NMNAT1: variants seen among roughly 807,000 people sequenced by gnomAD.
NMNAT1 encodes the protein nicotinamide nucleotide adenylyltransferase 1.
In NMNAT1, 11 loss-of-function variants were observed where a neutral mutation model predicts 16.7. The ratio of observed to expected loss-of-function variants is 0.66; its 90% CI spans 0.41 to 1.09. The LOEUF is 1.09. Ranked by LOEUF, NMNAT1 falls within the 50% of genes least tolerant of loss-of-function variation. The pLI is 0.00. For missense variants in NMNAT1, 280 were observed against 332.3 expected (o/e 0.84, Z 1.22); for synonymous variants, 110 against 119.8 (o/e 0.92, Z 0.53).
chr1:9,968,788 A>C (rs1641621973), intron 1 of NMNAT1, among the ~76,000 whole-genome samples: 1 of 145,154 alleles, frequency 6.9e-6, no homozygotes, highest in Non-Finnish European at 1.5e-5. Flanking sequence ...AAAAAAAAAA[A>C]ATTAGCCAGG....
At chr1:9,990,605 T>C in the NMNAT1 span, among the ~76,000 whole-genome samples, 3 of 152,278 alleles carry the variant, frequency 2.0e-5, no homozygotes, top group African/African-American at 7.2e-5. Flanking sequence ...CCTATTGGCA[T>C]TGCATTCTTG....
chr1:9,944,202 C>T (rs1049576537), intron 1 of NMNAT1, among the ~76,000 whole-genome samples: 27 of 151,936 alleles, frequency 1.8e-4, no homozygotes, highest in Middle Eastern at 3.4e-3. Context: ...TACAGTGAGC[C>T]GAGATCGCGC....
At chr1:9,985,733 G>T (rs1215365015), downstream of NMNAT1, among the ~76,000 whole-genome samples, 1 of 152,152 alleles carries the variant, frequency 6.6e-6, no homozygotes, top group African/African-American at 2.4e-5. Flanking sequence ...CACAGTCTCG[G>T]CTCACTGCAA....
chr1:9,990,051 G>A (rs548235279), downstream of NMNAT1, among the ~76,000 whole-genome samples: 1 of 152,320 alleles, frequency 6.6e-6, no homozygotes, highest in South Asian at 2.1e-4. Flanking sequence ...GCGCCAAAGT[G>A]GCTGGCTAGT....
chr1:9,949,056 C>T (rs74742139), intron 1 of NMNAT1, among the ~76,000 whole-genome samples: 98,143 of 150,894 alleles, frequency 0.65, 36,389 homozygotes, highest in Non-Finnish European at 0.84. Context: ...GATCACCTGA[C>T]GTCAGGTGTT....
the NMNAT1 span, among the ~76,000 whole-genome samples, chr1:9,990,671 CTT>C: frequency 6.9e-4 from 105 of 152,260 alleles, no homozygotes; most frequent in African/African-American, 2.3e-3. Flanking sequence ...CCATGCCAGT[CTT>C]TGCTGAACCA....
At chr1:9,970,491 A>C (rs1036883205) in intron 1 of NMNAT1, among the ~76,000 whole-genome samples, 11 of 152,012 alleles carry the variant, frequency 7.2e-5, no homozygotes, top group Non-Finnish European at 1.2e-4. Flanking sequence ...TCAGGAGATG[A>C]AGACCATCTA....
At chr1:9,973,747 G>A (rs547766751) in intron 2 of NMNAT1, among the ~76,000 whole-genome samples, 83 of 150,362 alleles carry the variant, frequency 5.5e-4, no homozygotes, top group African/African-American at 1.9e-3. Context: ...TGAATAGGCT[G>A]GGCGTGGTGG....
rs1390782834 is a variant in NMNAT1, at chr1:9,976,647, C to T, written c.299+872C>T. Among the ~76,000 whole-genome samples the T allele has an allele frequency of 4.0e-5, 6 of 151,424 alleles. No homozygotes were observed. In the East Asian group the frequency reaches 5.8e-4, roughly 15 times the overall value. ...CTCTTTTTTTTTTTTCTTTTTGAGA[C>T]GGAGTCTCGCTCTGTCACCCAGGCT... On this transcript the variant is annotated intron_variant, in intron 3 of 4. Transcript: ENST00000377205.
At chr1:9,974,134 T>C (rs1198403795) in intron 2 of NMNAT1, among the ~76,000 whole-genome samples, 1 of 151,912 alleles carries the variant, frequency 6.6e-6, no homozygotes, top group African/African-American at 2.4e-5. Flanking sequence ...CACCATAACA[T>C]AGCATAACCA....
intron 1 of NMNAT1, among the ~76,000 whole-genome samples, chr1:9,971,400 G>A (rs1269362789): frequency 1.3e-5 from 2 of 151,902 alleles, no homozygotes; most frequent in Admixed American, 6.6e-5. Context: ...TGCAACCTCC[G>A]CCTCCTGGGT....
At chr1:9,960,764 G>A (rs1018269827) in intron 1 of NMNAT1, 1 of 152,236 alleles carries the variant, frequency 6.6e-6, no homozygotes. Flanking sequence ...GATAGGCCGT[G>A]TGGGCCAAAC....
chr1:9,949,215 C>T (rs1051352906), intron 1 of NMNAT1, among the ~76,000 whole-genome samples: 1 of 150,210 alleles, frequency 6.7e-6, no homozygotes, highest in African/African-American at 2.4e-5. Flanking sequence ...TTCAGCGAGC[C>T]GAAATCACAC....
intron 2 of NMNAT1, among the ~76,000 whole-genome samples, chr1:9,973,551 C>G (rs942705869): frequency 2.4e-4 from 36 of 150,512 alleles, no homozygotes; most frequent in Middle Eastern, 3.4e-3. Context: ...ACTAAAAATA[C>G]AAAAAAATTA....
At chr1:9,976,286 C>CAA (rs554511251) in intron 3 of NMNAT1, among the ~76,000 whole-genome samples, 917 of 58,532 alleles carry the variant, frequency 0.016, 7 homozygotes, top group Non-Finnish European at 0.027. Flanking sequence ...GACTCCATCT[C>CAA]AAAAAAAAAA....
chr1:9,977,227 A>C lies in NMNAT1; in HGVS notation c.299+1452A>C, dbSNP rs141032228. ...CTGGCTGACACCTAATTATCTCTTA[A>C]TGTTATTTTGATTTTTTTAAACTTT... On this transcript the variant is annotated intron_variant, in intron 3 of 4. Transcript: ENST00000377205. Among the ~76,000 whole-genome samples the C allele has an allele frequency of 2.8e-3, 423 of 151,744 alleles. 3 individuals are homozygous for C. The highest frequency in any genetic ancestry group is 4.6e-3 in the Non-Finnish European group (315 of 67,872).
the NMNAT1 span, among the ~76,000 whole-genome samples, chr1:9,993,277 G>A: frequency 6.6e-6 from 1 of 152,038 alleles, no homozygotes; most frequent in Non-Finnish European, 1.5e-5. Flanking sequence ...TCAGGAGTTC[G>A]AGATCAGCCT....
chr1:9,996,309 C>CAA, the NMNAT1 span, among the ~76,000 whole-genome samples: 875 of 101,846 alleles, frequency 8.6e-3, 10 homozygotes, highest in African/African-American at 0.026. Flanking sequence ...GACTCCGTCT[C>CAA]AAAAAAAAAA....
At chr1:9,978,277 AC>A (rs1322133356) in intron 3 of NMNAT1, among the ~76,000 whole-genome samples, 1 of 151,450 alleles carries the variant, frequency 6.6e-6, no homozygotes, top group African/African-American at 2.4e-5. Context: ...AATCCCTTGA[AC>A]CCGGGAGGTG....
Sources: allele counts gnomAD v4.1 joint callset (sites outside exome capture counted in the v4.1 genomes callset), GRCh38; gene constraint gnomAD v4.1.1; transcripts MANE v1.5; gene names NCBI Gene and HGNC (gene_info 2026-07-23, HGNC 2026-07-21).